ARHGAP22: variants seen among roughly 807,000 people sequenced by gnomAD.
The protein encoded by ARHGAP22 is Rho GTPase activating protein 22.
Under a neutral mutation model 59.1 loss-of-function variants are expected in ARHGAP22, and 48 were observed. That is an observed-to-expected ratio of 0.81 (90% CI 0.64 to 1.03). The LOEUF (loss-of-function observed/expected upper bound fraction) is 1.03, where lower values mean the gene tolerates loss of function less well. ARHGAP22 is among the 50% of genes least tolerant of loss of function. The pLI, the probability that ARHGAP22 is intolerant of heterozygous loss-of-function variation, is 0.00. For synonymous variants in ARHGAP22, 445 were observed against 416.4 expected, an observed-to-expected ratio of 1.07 and a Z score of -0.84; for missense variants, 1,015 against 958.7, an observed-to-expected ratio of 1.06 and a Z score of -0.78.
chr10:48,571,678 T>C (rs1329555042), intron 2 of ARHGAP22, among the ~76,000 whole-genome samples: 1 of 152,230 alleles, frequency 6.6e-6, no homozygotes, highest in African/African-American at 2.4e-5. Context: ...AAAATAGTGA[T>C]CTGTTATTTG....
intron 2 of ARHGAP22, among the ~76,000 whole-genome samples, chr10:48,578,636 CT>C (rs1425741805): frequency 6.6e-6 from 1 of 151,084 alleles, no homozygotes; most frequent in African/African-American, 2.4e-5. Flanking sequence ...GTCTTTTTTG[CT>C]TTAGCATTAT....
At chr10:48,647,047 A>G (rs905995698) in intron 1 of ARHGAP22, among the ~76,000 whole-genome samples, 2 of 152,256 alleles carry the variant, frequency 1.3e-5, no homozygotes, top group Admixed American at 6.5e-5. Flanking sequence ...AATAAGACAG[A>G]CAACCTGATT....
intron 1 of ARHGAP22, among the ~76,000 whole-genome samples, chr10:48,584,101 C>T (rs1213951262): frequency 6.6e-6 from 1 of 152,224 alleles, no homozygotes; most frequent in African/African-American, 2.4e-5. Context: ...CTAGGAGGGG[C>T]CATCTTGAAC....
In ARHGAP22 at chr10:48,455,580, C is replaced by A. The variant is rs561105488; in HGVS notation, c.660-446G>T. On this transcript the variant is annotated intron_variant, in intron 5 of 9. Transcript: ENST00000249601. ...GCAGGTCAGGTTGCACAGGGGAGGG[C>A]CCTGGGACATGGGCCAGGGAGCCCC... Among the ~76,000 whole-genome samples, 42 of 152,326 alleles carry A rather than the reference C, an allele frequency of 2.8e-4. No individual in the cohort carries two copies. In the South Asian group the frequency reaches 8.5e-3, roughly 31 times the overall value.
the ARHGAP22 span, among the ~76,000 whole-genome samples, chr10:48,432,681 G>A: frequency 2.2e-4 from 33 of 152,318 alleles, no homozygotes; most frequent in African/African-American, 7.9e-4. Context: ...GGCACAGCTG[G>A]AGTGCCAGAT....
intron 4 of ARHGAP22, among the ~76,000 whole-genome samples, chr10:48,477,739 G>A (rs2048883325): frequency 1.3e-5 from 2 of 152,168 alleles, no homozygotes; most frequent in African/African-American, 4.8e-5. Flanking sequence ...ATGAGGTTGT[G>A]CGCAGGAGCC....
At chr10:48,605,252 G>T (rs1307799618), upstream of ARHGAP22, 1 of 742,060 alleles carries the variant, frequency 1.3e-6, no homozygotes, top group Non-Finnish European at 1.6e-6. Context: ...GAAGAAATGC[G>T]CCTTTCAGCC....
the ARHGAP22 span, among the ~76,000 whole-genome samples, chr10:48,431,636 T>C: frequency 1.3e-5 from 2 of 152,210 alleles, no homozygotes; most frequent in African/African-American, 2.4e-5. Context: ...CAAAATTTAG[T>C]ACATGTAATA....
Position 48,625,457 on chromosome 10 carries a change from A to G in ARHGAP22, c.52+26777T>C, listed in dbSNP as rs528456328. Among the ~76,000 whole-genome samples, 6 of 152,174 alleles carry G rather than the reference A, an allele frequency of 3.9e-5. No homozygotes were observed. In the South Asian group the frequency reaches 1.2e-3, roughly 32 times the overall value. On this transcript the variant is annotated intron_variant, in intron 1 of 9. Coordinates refer to the ARHGAP22 transcript ENST00000435790. Reference sequence around the variant, plus strand: ...AAGGTGCTCTAGGACTTCCACCCTAATCATGCATAAGGCTGCCCCATTATG... The same window carrying G: ...AAGGTGCTCTAGGACTTCCACCCTAGTCATGCATAAGGCTGCCCCATTATG...
At chr10:48,540,296 G>GCAAAATCTCGGCTCAT (rs2055808502) in intron 3 of ARHGAP22, among the ~76,000 whole-genome samples, 1 of 152,240 alleles carries the variant, frequency 6.6e-6, no homozygotes, top group Admixed American at 6.5e-5. Flanking sequence ...GAGTGCAATG[G>GCAAAATCTCGGCTCAT]CACAATCTCG....
chr10:48,544,264 T>G (rs542908710), intron 3 of ARHGAP22, among the ~76,000 whole-genome samples: 32 of 152,314 alleles, frequency 2.1e-4, no homozygotes, highest in Middle Eastern at 3.4e-3. Context: ...ATGAAGCCCA[T>G]GGGATTTAAG....
chr10:48,560,229 T>G (rs1397461798), intron 2 of ARHGAP22, among the ~76,000 whole-genome samples: 8 of 152,196 alleles, frequency 5.3e-5, no homozygotes, highest in Non-Finnish European at 1.5e-5. Context: ...CAATTTCTAT[T>G]AACAGAAAAA....
At chr10:48,535,056 C>T (rs1288495587) in intron 3 of ARHGAP22, among the ~76,000 whole-genome samples, 1 of 152,174 alleles carries the variant, frequency 6.6e-6, no homozygotes, top group African/African-American at 2.4e-5. Flanking sequence ...AACTAGTGCT[C>T]CTTGCACTGT....
intron 1 of ARHGAP22, among the ~76,000 whole-genome samples, chr10:48,651,962 C>T (rs2062584300): frequency 1.3e-5 from 2 of 152,264 alleles, no homozygotes; most frequent in East Asian, 3.9e-4. Context: ...TCCTTACAGA[C>T]TCTGAATGCA....
intron 1 of ARHGAP22, among the ~76,000 whole-genome samples, chr10:48,592,353 C>T (rs746819209): frequency 4.6e-5 from 7 of 152,168 alleles, no homozygotes; most frequent in South Asian, 2.1e-4. Context: ...CCCCAACATC[C>T]GTCCCACCAG....
intron 1 of ARHGAP22, among the ~76,000 whole-genome samples, chr10:48,587,822 T>C (rs935982399): frequency 6.6e-6 from 1 of 152,224 alleles, no homozygotes; most frequent in Non-Finnish European, 1.5e-5. Context: ...CATAGCATCC[T>C]GTGCAGGGCT....
chr10:48,605,186 C>T (rs973267408), upstream of ARHGAP22: 14 of 1,110,168 alleles, frequency 1.3e-5, no homozygotes, highest in South Asian at 2.9e-4. Context: ...AGACGCGGGG[C>T]GCGGTCCTGG....
At chr10:48,501,446 C>A (rs2051513162) in intron 3 of ARHGAP22, among the ~76,000 whole-genome samples, 1 of 152,366 alleles carries the variant, frequency 6.6e-6, no homozygotes, top group African/African-American at 2.4e-5. Flanking sequence ...GTGCTCTTGG[C>A]TGGTTTACCA....
At chr10:48,570,490 C>T (rs989854860) in intron 2 of ARHGAP22, among the ~76,000 whole-genome samples, 3 of 152,222 alleles carry the variant, frequency 2.0e-5, no homozygotes, top group African/African-American at 7.2e-5. Flanking sequence ...GCTGGCTTAT[C>T]CTGGGGCAGA....
Sources: allele counts gnomAD v4.1 joint callset (sites outside exome capture counted in the v4.1 genomes callset), GRCh38; gene constraint gnomAD v4.1.1; transcripts MANE v1.5; gene names NCBI Gene and HGNC (gene_info 2026-07-23, HGNC 2026-07-21).